The following BCOR variants were observed in gnomAD, a reference collection of about 807,000 sequenced individuals.
BCOR encodes the protein BCL-6 corepressor.
BCOR carries 10 observed loss-of-function variants against 86.7 expected under a neutral mutation model. The ratio of observed to expected loss-of-function variants is 0.12; its 90% CI spans 0.07 to 0.20. The LOEUF (loss-of-function observed/expected upper bound fraction) is 0.20. BCOR is among the 10% of genes least tolerant of loss of function. The pLI, the probability that BCOR is intolerant of heterozygous loss-of-function variation, is 1.00. For synonymous variants in BCOR, 611 were observed against 609.0 expected (o/e 1.00, Z -0.05); for missense variants, 1,259 against 1,452.1 (o/e 0.87, Z 2.16).
chrX:40,156,849 G>A (rs931065244), intron 1 of BCOR, among the ~76,000 whole-genome samples: 2 of 113,789 alleles, frequency 1.8e-5, no homozygotes, highest in African/African-American at 3.2e-5. Context: ...GCTGCTCGAA[G>A]CCGCTGTCTC....
rs1406819505 is a variant in BCOR, at chrX:40,097,662, G to A, written c.-488C>T. On this transcript the variant is annotated 5_prime_UTR_variant, in exon 1 of 15. Coordinates refer to ENST00000378444, the MANE Select transcript of BCOR (RefSeq NM_001123385.2). ...CTCCCGCGCTGCCGCCGCCGCCCGC[G>A]CTCGGGCAGGAGCCCCAGCGCCATG... 1.9e-5 allele frequency among the ~76,000 whole-genome samples: 2 copies of A among 107,254 alleles called. No individual in the cohort carries two copies. Among genetic ancestry groups the A allele is most frequent in the Non-Finnish European group, 3.9e-5 (2 of 51,099 alleles). 93.1% of individuals were successfully genotyped at this position (107,254 alleles called of 115,157 possible).
At chrX:40,141,599 G>A (rs1057390833) in intron 1 of BCOR, among the ~76,000 whole-genome samples, 1 of 111,499 alleles carries the variant, frequency 9.0e-6, no homozygotes, top group African/African-American at 3.3e-5. Flanking sequence ...TCCCTTACCA[G>A]CTCCCCCAGA....
intron 1 of BCOR, among the ~76,000 whole-genome samples, chrX:40,106,557 C>T (rs939111178): frequency 1.1e-4 from 12 of 110,767 alleles, no homozygotes; most frequent in Non-Finnish European, 1.9e-5. Context: ...CGCCTCCCGC[C>T]CTCCCCGCGC....
At chrX:40,062,601 G>C (rs1009009759) in intron 9 of BCOR, 145 bp downstream of exon 9, 3 of 748,359 alleles carry the variant, frequency 4.0e-6, no homozygotes, top group Non-Finnish European at 5.9e-6. Context: ...CCACCCAGAA[G>C]ACATGCTCCT....
intron 1 of BCOR, among the ~76,000 whole-genome samples, chrX:40,118,776 G>C (rs1937436597): frequency 8.9e-6 from 1 of 112,319 alleles, no homozygotes; most frequent in African/African-American, 3.2e-5. Flanking sequence ...AGGCTACAGG[G>C]GCCTCCTGAG....
intron 6 of BCOR, among the ~76,000 whole-genome samples, chrX:40,065,391 AC>A (rs908443946): frequency 3.6e-5 from 4 of 112,351 alleles, no homozygotes; most frequent in Non-Finnish European, 7.5e-5. Flanking sequence ...ACACAAAGGG[AC>A]CCCCTTGGGG....
chrX:40,133,888 T>G (rs1937632991), intron 1 of BCOR, among the ~76,000 whole-genome samples: 1 of 111,281 alleles, frequency 9.0e-6, no homozygotes, highest in South Asian at 3.8e-4. Context: ...CTTGCTAGGC[T>G]CTGTGGTCCC....
chrX:40,080,240 G>C (rs767386034), intron 1 of BCOR, among the ~76,000 whole-genome samples: 13 of 107,713 alleles, frequency 1.2e-4, no homozygotes, highest in African/African-American at 3.6e-4. Flanking sequence ...TCGGGAGTTT[G>C]AGACCAGCCT....
chrX:40,121,765 G>A, intron 1 of BCOR, among the ~76,000 whole-genome samples: 1 of 112,330 alleles, frequency 8.9e-6, no homozygotes, highest in African/African-American at 3.2e-5. Context: ...TGAGTATGGG[G>A]GAAAGAGAGT....
rs765495424 is a variant in BCOR at position 40,160,986 on chromosome X, T to A, written c.-41+16021A>T. On this transcript the variant is annotated intron_variant, in intron 1 of 14. Transcript: ENST00000342274. ...CACCGAACTCGGCCTTTTTTATTTT[T>A]TTTTTTTAATTTTTATTTATTTACA... is the stretch of plus-strand genomic sequence containing the variant. Among the ~76,000 whole-genome samples the A allele has an allele frequency of 8.4e-5, 9 of 106,569 alleles. No homozygotes were observed. The East Asian group carries it at 1.7e-3, about 21-fold the overall frequency. 92.5% of individuals were successfully genotyped at this position (106,569 alleles called of 115,157 possible).
intron 1 of BCOR, among the ~76,000 whole-genome samples, chrX:40,143,827 G>A (rs1055328612): frequency 8.9e-5 from 10 of 112,021 alleles, no homozygotes; most frequent in Admixed American, 6.6e-4. Flanking sequence ...CTGGTGGCGC[G>A]TGCCTGGTAA....
chrX:40,092,063 C>T (rs1033988701), intron 1 of BCOR, among the ~76,000 whole-genome samples: 1 of 112,442 alleles, frequency 8.9e-6, no homozygotes, highest in African/African-American at 3.2e-5. Flanking sequence ...CGGCCTCGGG[C>T]CGGAGGGAGA....
intron 1 of BCOR, among the ~76,000 whole-genome samples, chrX:40,136,456 T>C (rs1937683588): frequency 8.9e-6 from 1 of 112,445 alleles, no homozygotes; most frequent in Admixed American, 9.5e-5. Flanking sequence ...ACACTCGTTC[T>C]ACCTGCTGTA....
chrX:40,136,451 C>T (rs936876713), intron 1 of BCOR, among the ~76,000 whole-genome samples: 1 of 112,291 alleles, frequency 8.9e-6, no homozygotes, highest in Non-Finnish European at 1.9e-5. Flanking sequence ...AAAGAACACT[C>T]GTTCTACCTG....
intron 1 of BCOR, among the ~76,000 whole-genome samples, chrX:40,119,767 C>G (rs1043797090): frequency 9.0e-6 from 1 of 111,235 alleles, no homozygotes; most frequent in African/African-American, 3.3e-5. Flanking sequence ...TAAAATTCAT[C>G]AAGCTGTACT....
chrX:40,156,046 G>C (rs183388608), intron 1 of BCOR, among the ~76,000 whole-genome samples: 9 of 113,589 alleles, frequency 7.9e-5, no homozygotes, highest in Admixed American at 1.8e-4. Flanking sequence ...GCGCCCTGCT[G>C]TCGTGGTCAC....
intron 10 of BCOR, among the ~76,000 whole-genome samples, chrX:40,060,512 A>T (rs1315158310): frequency 8.9e-6 from 1 of 112,170 alleles, no homozygotes; most frequent in Non-Finnish European, 1.9e-5. Flanking sequence ...GGCAGAAATG[A>T]AGCCAGGATC....
chrX:40,062,383 C>G lies in BCOR; in HGVS notation c.4184G>C (p.Arg1395Pro), dbSNP rs765158400. 8.3e-7 allele frequency: 1 copy of G among 1,204,168 alleles called. No individual in the cohort carries two copies. Among genetic ancestry groups the G allele is most frequent in the African/African-American group, 1.7e-5 (1 of 57,445 alleles). Residue 1395 changes from arginine (R) to proline (P), a missense_variant, in exon 10 of 15, where the codon CGG (arginine) becomes CCG (proline). By Grantham distance (103) the Arg-to-Pro change is moderately radical. Coordinates refer to ENST00000378444, the MANE Select transcript of BCOR (RefSeq NM_001123385.2). ...GGGCTCCGGCCGCTTTCTGAATCTC[C>G]GGACAGTCACCTATCATAAAACCAA... ...VENADGKVTV[R>P]RFRKRPEPSS...
In BCOR at chrX:40,097,315, T is replaced by A. The variant is rs1161588483; in HGVS notation, c.-141A>T. The A allele has an allele frequency of 1.0e-5, 1 of 97,844 alleles. No homozygotes were observed. Among genetic ancestry groups the A allele is most frequent in the African/African-American group, 3.8e-5 (1 of 26,320 alleles). The allele number at this position is 97,844 out of a possible 1,213,427, so 8.1% of individuals were successfully genotyped here. On this transcript the variant is annotated 5_prime_UTR_variant, in exon 1 of 15. Transcript: ENST00000378444. The stretch of plus-strand genomic sequence containing the variant: ...GGCGGCGAGAAGGAGCGGGGGGCGG[T>A]TGGGTGGGTGGAGAGAGATATGAGG...
Sources: allele counts gnomAD v4.1 joint callset (sites outside exome capture counted in the v4.1 genomes callset), GRCh38; gene constraint gnomAD v4.1.1; transcripts MANE v1.5; gene names NCBI Gene and HGNC (gene_info 2026-07-23, HGNC 2026-07-21).